The following KCNQ2 variants were observed in gnomAD, a reference collection of about 807,000 sequenced individuals.
The protein encoded by KCNQ2 is potassium voltage-gated channel subfamily Q member 2.
Under a neutral mutation model 84.8 loss-of-function variants are expected in KCNQ2, and 14 were observed. That is an observed-to-expected ratio of 0.17 (90% CI 0.11 to 0.26). The LOEUF (loss-of-function observed/expected upper bound fraction) is 0.26, where lower values mean the gene tolerates loss of function less well. KCNQ2 is among the 10% of genes least tolerant of loss of function. KCNQ2 has a pLI of 1.00. For synonymous variants in KCNQ2, 599 were observed against 554.1 expected (o/e 1.08, Z -1.14); for missense variants, 788 against 1,254.0 (o/e 0.63, Z 5.61).
chr20:63,407,498 G>C lies in KCNQ2; in HGVS notation c.1888-123C>G, dbSNP rs1601545995. ...CAGGAAACAGGAGAGACCCAGGCTA[G>C]TCCCAGGAAACGGGGGACCCAGGCT... is the stretch of plus-strand genomic sequence containing the variant. On this transcript the variant is annotated intron_variant, in intron 16 of 16. Transcript: ENST00000359125. This position sits in a 1 kb window ranked among gnomAD's most constrained non-coding sequence, Gnocchi z 7.2. 1 of 1,051,288 alleles carries C rather than the reference G, an allele frequency of 9.5e-7. No individual in the cohort carries two copies. The allele number at this position is 1,051,288 out of a possible 1,614,324, so 65.1% of individuals were successfully genotyped here.
chr20:63,442,902 CCACCACCATCACCAT>C (rs2081248508), intron 4 of KCNQ2, among the ~76,000 whole-genome samples: 3 of 24,212 alleles, frequency 1.2e-4, no homozygotes, highest in Non-Finnish European at 1.9e-4. Context: ...ACCACCATCA[CCACCACCATCACCAT>C]CACCACCATC....
chr20:63,410,047 G>C (rs1045588739), intron 15 of KCNQ2: 2 of 275,864 alleles, frequency 7.2e-6, no homozygotes, highest in African/African-American at 2.3e-5. Flanking sequence ...GGCTCGCGTC[G>C]GCCACAGTGC....
intron 11 of KCNQ2, among the ~76,000 whole-genome samples, chr20:63,420,600 G>A (rs2080438363): frequency 1.3e-5 from 2 of 152,096 alleles, no homozygotes; most frequent in Non-Finnish European, 2.9e-5. Flanking sequence ...GTCTTCCTGC[G>A]CACACGTGTG....
chr20:63,455,134 A>ATGGGAGGACGG (rs1197138292), intron 1 of KCNQ2, among the ~76,000 whole-genome samples: 4 of 152,052 alleles, frequency 2.6e-5, no homozygotes, highest in Non-Finnish European at 2.9e-5. Flanking sequence ...CGATGGGAGG[A>ATGGGAGGACGG]TGGGAGGACG....
intron 1 of KCNQ2, among the ~76,000 whole-genome samples, chr20:63,467,071 C>T (rs1027534316): frequency 1.3e-5 from 2 of 152,254 alleles, no homozygotes; most frequent in African/African-American, 4.8e-5. Context: ...CCTCCCAAAA[C>T]GGGCACATTG....
At chr20:63,416,773 G>A (rs975334275) in intron 12 of KCNQ2, among the ~76,000 whole-genome samples, 32 of 152,152 alleles carry the variant, frequency 2.1e-4, no homozygotes, top group Admixed American at 3.9e-4. Context: ...CCCACCAGAC[G>A]GCACAGAGAT....
chr20:63,441,996 T>C (rs780783812), intron 5 of KCNQ2, among the ~76,000 whole-genome samples: 16 of 152,126 alleles, frequency 1.1e-4, no homozygotes, highest in Non-Finnish European at 1.6e-4. Flanking sequence ...TGTTCAGACC[T>C]GATCAGAGTG....
chr20:63,418,922 C>T (rs1301607488), intron 12 of KCNQ2, among the ~76,000 whole-genome samples: 1 of 152,210 alleles, frequency 6.6e-6, no homozygotes, highest in Admixed American at 6.5e-5. Flanking sequence ...AAGGAGAGCC[C>T]CACAGGAGCA....
intron 11 of KCNQ2, among the ~76,000 whole-genome samples, chr20:63,421,131 G>A (rs567566546): frequency 9.1e-4 from 138 of 152,170 alleles, no homozygotes; most frequent in Non-Finnish European, 1.1e-3. Context: ...GCAGGGTCCC[G>A]CTTCCCCAAA....
intron 12 of KCNQ2, among the ~76,000 whole-genome samples, chr20:63,415,728 ACACT>A (rs1378805204): frequency 3.3e-5 from 5 of 152,088 alleles, no homozygotes; most frequent in Admixed American, 2.0e-4. Context: ...TCACCCAGTG[ACACT>A]CAGGGCAACG....
At chr20:63,467,244 C>T (rs1241777438) in intron 1 of KCNQ2, among the ~76,000 whole-genome samples, 6 of 152,212 alleles carry the variant, frequency 3.9e-5, no homozygotes, top group Non-Finnish European at 8.8e-5. Context: ...TATTCAAGGC[C>T]CCCACAGGTC....
In KCNQ2 at chr20:63,442,505, G is replaced by A. The variant is rs750622227; in HGVS notation, c.717C>T (p.Gly239=). Residue 239 remains glycine, a synonymous_variant, in exon 5 of 17, where the codon GGC becomes GGT. Transcript: ENST00000359125. ...ACGAGGCCAGGATGAGACAAAGGAA[G>A]CCGATGTACCAGGCAGTGACCAGCT... The part of the protein sequence containing the change: ...SKELVTAWYI[G]FLCLILASFL... 5.0e-6 allele frequency: 8 copies of A among 1,613,510 alleles called. No individual in the cohort carries two copies. The highest frequency in any genetic ancestry group is 4.5e-5 in the East Asian group (2 of 44,858).
intron 1 of KCNQ2, among the ~76,000 whole-genome samples, chr20:63,452,888 C>G (rs1002589032): frequency 6.6e-6 from 1 of 152,128 alleles, no homozygotes; most frequent in Non-Finnish European, 1.5e-5. Flanking sequence ...CGGGACGACG[C>G]GCCAGCCGGA....
At chr20:63,423,776 A>C in intron 11 of KCNQ2, 1 of 248,524 alleles carries the variant, frequency 4.0e-6, no homozygotes, top group Non-Finnish European at 7.9e-6. Flanking sequence ...GCCCACTTGG[A>C]GCTTTCACCC....
intron 1 of KCNQ2, among the ~76,000 whole-genome samples, chr20:63,468,536 G>A (rs1379510694): frequency 6.6e-6 from 1 of 152,196 alleles, no homozygotes; most frequent in Non-Finnish European, 1.5e-5. Flanking sequence ...AGCACCACCC[G>A]AGTTCTCCAG....
At position 63,414,487 on chromosome 20, in the gene KCNQ2, C is replaced by T. The variant is rs1340998774; in HGVS notation, c.1526-294G>A. Reference sequence around the variant, plus strand: ...CGCATCCACGCACAGATGTTAACGGCGGAAGGTGCAGGCCTGACATCTGAG... The same window carrying T: ...CGCATCCACGCACAGATGTTAACGGTGGAAGGTGCAGGCCTGACATCTGAG... On this transcript the variant is annotated intron_variant, in intron 13 of 16. Transcript: ENST00000359125. The surrounding 1 kb of genome is among the most constrained non-coding windows in gnomAD (Gnocchi z 6.6). Among the ~76,000 whole-genome samples, 2 of 152,054 alleles carry T rather than the reference C, an allele frequency of 1.3e-5. No homozygotes were observed. Among genetic ancestry groups the T allele is most frequent in the Admixed American group, 6.5e-5 (1 of 15,274 alleles).
chr20:63,428,890 G>A (rs2080711897), intron 9 of KCNQ2, among the ~76,000 whole-genome samples: 1 of 152,156 alleles, frequency 6.6e-6, no homozygotes. Context: ...GTTGGGAGGT[G>A]GGGATACAGA....
Position 63,402,303 on chromosome 20 carries a change from T to C in KCNQ2, c.*4341A>G, listed in dbSNP as rs754877615. Reference sequence around the variant, plus strand: ...TCCCTCTCACGTCTGCTTTGAGGGTTTGTGTCAATGGGGCTGTGCAGCATC... The same window carrying C: ...TCCCTCTCACGTCTGCTTTGAGGGTCTGTGTCAATGGGGCTGTGCAGCATC... On this transcript the variant is annotated 3_prime_UTR_variant, in exon 17 of 17. Coordinates refer to ENST00000359125, the MANE Select transcript of KCNQ2 (RefSeq NM_172107.4). 1.1e-4 allele frequency: 19 copies of C among 171,566 alleles called. No individual in the cohort carries two copies. Among genetic ancestry groups the C allele is most frequent in the Non-Finnish European group, 2.4e-4 (19 of 80,060 alleles). The allele number at this position is 171,566 out of a possible 1,614,324, so 10.6% of individuals were successfully genotyped here.
At position 63,428,362 on chromosome 20, in the gene KCNQ2, C is replaced by G. The variant is rs1305559685; in HGVS notation, c.1217+5G>C. The G allele has an allele frequency of 1.3e-6, 2 of 1,562,506 alleles. No individual in the cohort carries two copies. The highest frequency in any genetic ancestry group is 2.3e-5 in the East Asian group (1 of 42,826). ...ACCCGCCCCACCTGGAGCTCCCCAG[C>G]TGACCTGAAAGCGAGTCCAGATTTA... On this transcript the variant is annotated splice_donor_5th_base_variant and intron_variant, in intron 10 of 16. Coordinates refer to ENST00000359125, the MANE Select transcript of KCNQ2 (RefSeq NM_172107.4).
Sources: allele counts gnomAD v4.1 joint callset (sites outside exome capture counted in the v4.1 genomes callset), GRCh38; gene constraint gnomAD v4.1.1; non-coding constraint Gnocchi (gnomAD v3.1); transcripts MANE v1.5; gene names NCBI Gene and HGNC (gene_info 2026-07-23, HGNC 2026-07-21).